DENND4B: variants seen among roughly 807,000 people sequenced by gnomAD.
The protein encoded by DENND4B is DENN domain-containing protein 4B.
Under a neutral mutation model 161.0 loss-of-function variants are expected in DENND4B, and 67 were observed. The ratio of observed to expected loss-of-function variants is 0.42; its 90% CI spans 0.34 to 0.51. The LOEUF (loss-of-function observed/expected upper bound fraction) is 0.51, where lower values mean the gene tolerates loss of function less well. Ranked by LOEUF, DENND4B falls within the 20% of genes least tolerant of loss-of-function variation. The probability of loss-of-function intolerance (pLI) is 0.08; values close to 1 mark genes in which losing one functional copy is unlikely to be tolerated. For missense variants in DENND4B, 1,481 were observed against 1,968.0 expected (o/e 0.75, Z 4.68); for synonymous variants, 753 against 813.8 (o/e 0.93, Z 1.27).
chr1:153,934,351 C>A lies in DENND4B; in HGVS notation c.2774-49G>T. The A allele has an allele frequency of 6.6e-7, 1 of 1,526,292 alleles. No homozygotes were observed. The highest frequency in any genetic ancestry group is 8.7e-7 in the Non-Finnish European group (1 of 1,142,900). The allele number at this position is 1,526,292 out of a possible 1,614,324, so 94.5% of individuals were successfully genotyped here. ...AGAGGCGGCCAGCTAGGAACCCAGT[C>A]CCCTGTTCCAAAATAGAGCTCCTTA... On this transcript the variant is annotated intron_variant, in intron 18 of 27. Coordinates refer to ENST00000361217, the MANE Select transcript of DENND4B (RefSeq NM_014856.3). The surrounding 1 kb of genome is among the most constrained non-coding windows in gnomAD (Gnocchi z 5.3).
chr1:153,939,059 G>A lies in DENND4B; in HGVS notation c.1820-14C>T, dbSNP rs2102049147. Reference sequence around the variant, plus strand: ...ATTTGAGGAAGCCTGAGGGGTATGAGAATGGGGCAGAGGAGGGGTGTGACC... The same window carrying A: ...ATTTGAGGAAGCCTGAGGGGTATGAAAATGGGGCAGAGGAGGGGTGTGACC... On this transcript the variant is annotated splice_polypyrimidine_tract_variant and intron_variant, in intron 12 of 27. Transcript: ENST00000361217. The A allele has an allele frequency of 6.2e-7, 1 of 1,610,604 alleles. No homozygotes were observed. Among genetic ancestry groups the A allele is most frequent in the Non-Finnish European group, 8.5e-7 (1 of 1,178,622 alleles).
At position 153,941,056 on chromosome 1, in the gene DENND4B, C is replaced by T; in HGVS notation, c.1182-8G>A. ...TGCAGGAAGCTGGCACCACTGCAGG[C>T]AATGCCGAGGTGGGGAAAGGGTCAC... On this transcript the variant is annotated splice_region_variant and splice_polypyrimidine_tract_variant and intron_variant, in intron 8 of 27. Coordinates refer to ENST00000361217, the MANE Select transcript of DENND4B (RefSeq NM_014856.3). 6 of 1,552,560 alleles carry T rather than the reference C, an allele frequency of 3.9e-6. No homozygotes were observed. The highest frequency in any genetic ancestry group is 5.2e-6 in the Non-Finnish European group (6 of 1,149,842).
At position 153,932,045 on chromosome 1, in the gene DENND4B, G is replaced by C; in HGVS notation, c.3996+159C>G. The C allele has an allele frequency of 1.5e-6, 1 of 647,868 alleles. No individual in the cohort carries two copies. Among genetic ancestry groups the C allele is most frequent in the Non-Finnish European group, 2.7e-6 (1 of 375,870 alleles). 40.1% of individuals were successfully genotyped at this position (647,868 alleles called of 1,614,324 possible). A position where few individuals can be genotyped will look rare whatever the true frequency, so the allele number is the denominator to read the frequency against. Reference sequence around the variant, plus strand: ...TGGTCTCGAACTCCTGACCTCAGGTGATTCGCCCACCTCGGCCTCCCAAAG... The same window carrying C: ...TGGTCTCGAACTCCTGACCTCAGGTCATTCGCCCACCTCGGCCTCCCAAAG... On this transcript the variant is annotated intron_variant, in intron 24 of 27. Coordinates refer to ENST00000361217, the MANE Select transcript of DENND4B (RefSeq NM_014856.3). The surrounding 1 kb of genome is among the most constrained non-coding windows in gnomAD (Gnocchi z 5.8).
rs1012110960 is a variant in DENND4B, at chr1:153,930,629, G to A, written c.4281-26C>T. The A allele has an allele frequency of 3.1e-6, 5 of 1,613,750 alleles. No individual in the cohort carries two copies. In the African/African-American group the frequency reaches 6.7e-5, roughly 22 times the overall value. ...CTTTAGTGGAGGCAGAAGTGTATGA[G>A]TGAGAGAAAAGGGGTGTGGAGCCCC... On this transcript the variant is annotated intron_variant, in intron 26 of 27. Coordinates refer to ENST00000361217, the MANE Select transcript of DENND4B (RefSeq NM_014856.3). This position sits in a 1 kb window ranked among gnomAD's most constrained non-coding sequence, Gnocchi z 4.7.
Position 153,944,019 on chromosome 1 carries a change from C to A in DENND4B, c.317+39G>T. The A allele has an allele frequency of 1.3e-6, 2 of 1,508,710 alleles. No individual in the cohort carries two copies. Among genetic ancestry groups the A allele is most frequent in the South Asian group, 1.3e-5 (1 of 74,864 alleles). The allele number at this position is 1,508,710 out of a possible 1,614,324, so 93.5% of individuals were successfully genotyped here. ...TCTCCCTGTCTCACTGGAGTCCCTC[C>A]CAGCCTCCCCTGGTGCCAGCATGGG... On this transcript the variant is annotated intron_variant, in intron 2 of 27. Coordinates refer to ENST00000361217, the MANE Select transcript of DENND4B (RefSeq NM_014856.3). The surrounding 1 kb of genome is among the most constrained non-coding windows in gnomAD (Gnocchi z 4.8).
rs1383368082 is a variant in DENND4B at position 153,936,889 on chromosome 1, G to C, written c.2233-141C>G. 4.0e-6 allele frequency: 3 copies of C among 757,658 alleles called. No homozygotes were observed. The highest frequency in any genetic ancestry group is 3.0e-5 in the East Asian group (1 of 33,474). The allele number at this position is 757,658 out of a possible 1,614,324, so 46.9% of individuals were successfully genotyped here. A position where few individuals can be genotyped will look rare whatever the true frequency, so the allele number is the denominator to read the frequency against. ...CGCAATCTTGGCTCACTGCAGACTC[G>C]GCCTCCTGGGCTCAAGCGATTCTCC... On this transcript the variant is annotated intron_variant, in intron 15 of 27. Coordinates refer to ENST00000361217, the MANE Select transcript of DENND4B (RefSeq NM_014856.3). This position sits in a 1 kb window ranked among gnomAD's most constrained non-coding sequence, Gnocchi z 4.1.
rs200652720 is a variant in DENND4B, at chr1:153,932,611, G to A, written c.3759+31C>T. Reference sequence around the variant, plus strand: ...AGGCCCCACACAGGGCAACATTCCCGTTCCTCATGCCCCTTTGGCCCAGCC... The same window carrying A: ...AGGCCCCACACAGGGCAACATTCCCATTCCTCATGCCCCTTTGGCCCAGCC... On this transcript the variant is annotated intron_variant, in intron 23 of 27. Transcript: ENST00000361217. This position sits in a 1 kb window ranked among gnomAD's most constrained non-coding sequence, Gnocchi z 5.8. The A allele has an allele frequency of 6.6e-4, 1,047 of 1,597,360 alleles. 1 individual carries two copies. The highest frequency in any genetic ancestry group is 7.9e-4 in the Non-Finnish European group (924 of 1,169,298).
chr1:153,930,496 C>T lies in DENND4B; in HGVS notation c.4345+43G>A. ...TAGGACCGCAGCCTCCCACACCTGG[C>T]CCCAGATCCCTAAACTCCTCAGCCC... On this transcript the variant is annotated intron_variant, in intron 27 of 27. Transcript: ENST00000361217. The surrounding 1 kb of genome is among the most constrained non-coding windows in gnomAD (Gnocchi z 4.7). 6.2e-7 allele frequency: 1 copy of T among 1,614,018 alleles called. No individual in the cohort carries two copies. Among genetic ancestry groups the T allele is most frequent in the African/African-American group, 1.3e-5 (1 of 75,070 alleles).
Position 153,930,870 on chromosome 1 carries a change from A to C in DENND4B, c.4115-13T>G. ...TGGGGGATCTGGCCTGGATGAAAGG[A>C]AAGAAGGCCACCAGAATCACTGAGC... On this transcript the variant is annotated splice_polypyrimidine_tract_variant and intron_variant, in intron 25 of 27. Transcript: ENST00000361217. The surrounding 1 kb of genome is among the most constrained non-coding windows in gnomAD (Gnocchi z 4.7). The C allele has an allele frequency of 6.3e-7, 1 of 1,595,176 alleles. No homozygotes were observed. Among genetic ancestry groups the C allele is most frequent in the South Asian group, 1.1e-5 (1 of 87,872 alleles).
Position 153,932,651 on chromosome 1 carries a change from C to T in DENND4B, c.3750G>A (p.Gly1250=), listed in dbSNP as rs934669279. 1.2e-6 allele frequency: 2 copies of T among 1,612,690 alleles called. No homozygotes were observed. The highest frequency in any genetic ancestry group is 2.7e-5 in the African/African-American group (2 of 74,928). ...LALDEPQLCN[G]HMGGASRRVE... ...TTGGCCCAGCCCTTACCCCCATGTGCCCGTTGCAGAGCTGGGGCTCATCCA... is the reference window on the plus strand; with the variant it reads ...TTGGCCCAGCCCTTACCCCCATGTGTCCGTTGCAGAGCTGGGGCTCATCCA... The change falls in exon 23 of 28, where the codon GGG becomes GGA. Residue 1250 remains glycine (G), a synonymous_variant. Coordinates refer to ENST00000361217, the MANE Select transcript of DENND4B (RefSeq NM_014856.3). The surrounding 1 kb of genome is among the most constrained non-coding windows in gnomAD (Gnocchi z 5.8).
rs1473802504 is a variant in DENND4B, at chr1:153,941,306, G to T, written c.1123-17C>A. 1 of 1,613,870 alleles carries T rather than the reference G, an allele frequency of 6.2e-7. No individual in the cohort carries two copies. Among genetic ancestry groups the T allele is most frequent in the South Asian group, 1.1e-5 (1 of 91,068 alleles). On this transcript the variant is annotated splice_polypyrimidine_tract_variant and intron_variant, in intron 7 of 27. Coordinates refer to ENST00000361217, the MANE Select transcript of DENND4B (RefSeq NM_014856.3). ...GGGAGACATCTGGAAGGGAAGAAGA[G>T]CCACGGCTCAGGGTAATGATGCCAA...
chr1:153,935,927 G>A, intron 17 of DENND4B, 133 bp downstream of exon 17: 1 of 1,154,234 alleles, frequency 8.7e-7, no homozygotes, highest in Non-Finnish European at 1.2e-6. Flanking sequence ...GGAGTGCAAT[G>A]TGGATGACAG....
chr1:153,934,567 A>G lies in DENND4B; in HGVS notation c.2773+193T>C, dbSNP rs772695781. ...AGTGATTCTCCTGCCTCAGTCTCCCAAGTAGCTGGGACTACAGGTGCGCGC... is the reference window on the plus strand; with the variant it reads ...AGTGATTCTCCTGCCTCAGTCTCCCGAGTAGCTGGGACTACAGGTGCGCGC... On this transcript the variant is annotated intron_variant, in intron 18 of 27. Coordinates refer to ENST00000361217, the MANE Select transcript of DENND4B (RefSeq NM_014856.3). This position sits in a 1 kb window ranked among gnomAD's most constrained non-coding sequence, Gnocchi z 5.3. Among the ~76,000 whole-genome samples the G allele has an allele frequency of 7.2e-5, 11 of 151,978 alleles. No homozygotes were observed. The highest frequency in any genetic ancestry group is 1.2e-4 in the Non-Finnish European group (8 of 67,996).
rs530604899 is a variant in DENND4B, at chr1:153,940,867, G to A, written c.1326+37C>T. 1 of 1,539,000 alleles carries A rather than the reference G, an allele frequency of 6.5e-7. No individual in the cohort carries two copies. Among genetic ancestry groups the A allele is most frequent in the African/African-American group, 1.4e-5 (1 of 72,048 alleles). On this transcript the variant is annotated intron_variant, in intron 9 of 27. Coordinates refer to ENST00000361217, the MANE Select transcript of DENND4B (RefSeq NM_014856.3). The surrounding 1 kb of genome is among the most constrained non-coding windows in gnomAD (Gnocchi z 5.6). ...GATAGGGGCACCAGAAAGAACCATGGTTCTGGGGAAGATGGGCCAGGCGGG... is the reference window on the plus strand; with the variant it reads ...GATAGGGGCACCAGAAAGAACCATGATTCTGGGGAAGATGGGCCAGGCGGG...
In DENND4B at chr1:153,944,525, T is replaced by C; in HGVS notation, c.-23-128A>G. On this transcript the variant is annotated intron_variant, in intron 1 of 27. Transcript: ENST00000361217. This position sits in a 1 kb window ranked among gnomAD's most constrained non-coding sequence, Gnocchi z 4.8. ...AAAGGCAGGATAAGGGGTCGGCCAA[T>C]CCTGAACTCTTCCCCCTGTGACATC... The C allele has an allele frequency of 1.1e-6, 1 of 916,508 alleles. No homozygotes were observed. Among genetic ancestry groups the C allele is most frequent in the Non-Finnish European group, 1.6e-6 (1 of 633,770 alleles). 56.8% of individuals were successfully genotyped at this position (916,508 alleles called of 1,614,324 possible).
rs1679032048 is a variant in DENND4B at position 153,932,715 on chromosome 1, G to A, written c.3686C>T (p.Pro1229Leu). The change falls in exon 23 of 28, where the codon CCT (proline) becomes CTT (leucine). Residue 1229 changes from proline to leucine, a missense_variant. Physicochemically the swap from Pro to Leu is moderately conservative, Grantham distance 98. Around this residue, in one of 3 missense-constraint regions of DENND4B, gnomAD observed 336 missense variants for 503.3 expected, o/e 0.67. Coordinates refer to ENST00000361217, the MANE Select transcript of DENND4B (RefSeq NM_014856.3). The surrounding 1 kb of genome is among the most constrained non-coding windows in gnomAD (Gnocchi z 5.8). ...GSKDAPVPGG[P>L]GPVLSDRRLC... The stretch of plus-strand genomic sequence containing the variant: ...CCTTCGGTCACTGAGCACAGGGCCA[G>A]GACCACCAGGGACAGGAGCATCTTT... The A allele has an allele frequency of 6.2e-7, 1 of 1,613,954 alleles. No individual in the cohort carries two copies. The highest frequency in any genetic ancestry group is 1.7e-5 in the Admixed American group (1 of 60,010).
At chr1:153,931,584 G>A (rs1177458240) in intron 24 of DENND4B, among the ~76,000 whole-genome samples, 4 of 149,130 alleles carry the variant, frequency 2.7e-5, no homozygotes, top group Admixed American at 6.8e-5. Context: ...TGCAAGCTTC[G>A]CCTCCTGGGT....
chr1:153,932,184 G>C lies in DENND4B; in HGVS notation c.3996+20C>G. On this transcript the variant is annotated intron_variant, in intron 24 of 27. Transcript: ENST00000361217. The surrounding 1 kb of genome is among the most constrained non-coding windows in gnomAD (Gnocchi z 5.8). ...ATGAGGGAGGCACTTAGGAAACAGG[G>C]GCCACATGGGGGCACTGACCTGGGA... is the stretch of plus-strand genomic sequence containing the variant. 1.2e-6 allele frequency: 2 copies of C among 1,602,658 alleles called. No individual in the cohort carries two copies. The highest frequency in any genetic ancestry group is 1.7e-6 in the Non-Finnish European group (2 of 1,171,702).
Position 153,936,509 on chromosome 1 carries a change from C to G in DENND4B, c.2439+33G>C. On this transcript the variant is annotated intron_variant, in intron 16 of 27. Transcript: ENST00000361217. This position sits in a 1 kb window ranked among gnomAD's most constrained non-coding sequence, Gnocchi z 4.1. Reference sequence around the variant, plus strand: ...TCCAGCTGCACAAGGCTCACTGGGCCTGGGTATGAGCATGGTCACATAGAT... The same window carrying G: ...TCCAGCTGCACAAGGCTCACTGGGCGTGGGTATGAGCATGGTCACATAGAT... The G allele has an allele frequency of 6.5e-7, 1 of 1,527,970 alleles. No individual in the cohort carries two copies. Among genetic ancestry groups the G allele is most frequent in the Non-Finnish European group, 8.8e-7 (1 of 1,131,082 alleles). The allele number at this position is 1,527,970 out of a possible 1,614,324, so 94.7% of individuals were successfully genotyped here.
Sources: allele counts gnomAD v4.1 joint callset (sites outside exome capture counted in the v4.1 genomes callset), GRCh38; gene constraint gnomAD v4.1.1; regional missense constraint gnomAD v4.1.1; non-coding constraint Gnocchi (gnomAD v3.1); transcripts MANE v1.5; gene names NCBI Gene and HGNC (gene_info 2026-07-23, HGNC 2026-07-21).